Variants in RARB observed in about 807,000 individuals in gnomAD.
RARB encodes HBV-activated protein.
RARB carries 17 observed loss-of-function variants against 51.9 expected under a neutral mutation model. The ratio of observed to expected loss-of-function variants is 0.33; its 90% CI spans 0.22 to 0.49. The LOEUF is 0.49. Ranked by LOEUF, RARB falls within the 20% of genes least tolerant of loss-of-function variation. The probability of loss-of-function intolerance (pLI) is 0.99; values close to 1 mark genes in which losing one functional copy is unlikely to be tolerated. For synonymous variants in RARB, 215 were observed against 195.4 expected (o/e 1.10, Z -0.84); for missense variants, 369 against 550.8 (o/e 0.67, Z 3.30).
intron 5 of RARB, among the ~76,000 whole-genome samples, chr3:25,224,026 G>T (rs1448540676): frequency 2.6e-5 from 4 of 152,088 alleles, no homozygotes; most frequent in Non-Finnish European, 5.9e-5. Context: ...ATCAAGAAAT[G>T]GTACACTTGG....
At chr3:25,502,594 T>G (rs1302707658) in intron 3 of RARB, among the ~76,000 whole-genome samples, 2 of 152,186 alleles carry the variant, frequency 1.3e-5, no homozygotes, top group African/African-American at 4.8e-5. Flanking sequence ...GCTTCACAGC[T>G]GGGATCCACT....
chr3:25,325,760 G>A (rs1704697515), intron 5 of RARB, among the ~76,000 whole-genome samples: 1 of 147,896 alleles, frequency 6.8e-6, no homozygotes, highest in Admixed American at 6.8e-5. Flanking sequence ...GTGGAAGCAG[G>A]ACCAGTAGGG....
intron 5 of RARB, among the ~76,000 whole-genome samples, chr3:25,381,761 G>A (rs1706632305): frequency 6.6e-6 from 1 of 152,176 alleles, no homozygotes; most frequent in Non-Finnish European, 1.5e-5. Flanking sequence ...AAATTCTCAG[G>A]CCCTATCTCT....
intron 2 of RARB, among the ~76,000 whole-genome samples, chr3:24,925,798 A>T (rs937845913): frequency 6.6e-6 from 1 of 152,100 alleles, no homozygotes; most frequent in Non-Finnish European, 1.5e-5. Context: ...TGCCTACAAA[A>T]TACCTTTCAC....
At chr3:25,320,354 A>T (rs1575309758) in intron 5 of RARB, among the ~76,000 whole-genome samples, 1 of 152,280 alleles carries the variant, frequency 6.6e-6, no homozygotes, top group East Asian at 1.9e-4. Flanking sequence ...TTTTCTCTGT[A>T]GTAGTACTTT....
intron 3 of RARB, among the ~76,000 whole-genome samples, chr3:25,533,992 A>G (rs1257751235): frequency 1.3e-5 from 2 of 152,250 alleles, no homozygotes; most frequent in South Asian, 2.1e-4. Context: ...AGAAGCAGCA[A>G]TAAGTCCTTG....
At chr3:25,549,721 G>T (rs1019412153) in intron 3 of RARB, among the ~76,000 whole-genome samples, 1 of 152,122 alleles carries the variant, frequency 6.6e-6, no homozygotes, top group Non-Finnish European at 1.5e-5. Flanking sequence ...AAAGCTGTGT[G>T]CTATGAGATG....
At chr3:25,006,693 C>A (rs1352659701) in intron 2 of RARB, among the ~76,000 whole-genome samples, 2 of 152,078 alleles carry the variant, frequency 1.3e-5, no homozygotes, top group Non-Finnish European at 2.9e-5. Context: ...TGTTATAAAT[C>A]ACAGGCAATT....
At chr3:25,563,773 G>A (rs1392387230) in intron 3 of RARB, among the ~76,000 whole-genome samples, 2 of 152,136 alleles carry the variant, frequency 1.3e-5, no homozygotes, top group Non-Finnish European at 2.9e-5. Context: ...CAACCCCATA[G>A]TTCTAATCAC....
intron 2 of RARB, among the ~76,000 whole-genome samples, chr3:24,886,606 G>A (rs991134269): frequency 6.6e-5 from 10 of 152,046 alleles, no homozygotes; most frequent in Middle Eastern, 3.4e-3. Context: ...CACCACGCCT[G>A]GCTAATTTTA....
intron 5 of RARB, among the ~76,000 whole-genome samples, chr3:25,302,510 A>T (rs1313027648): frequency 6.6e-6 from 1 of 152,248 alleles, no homozygotes; most frequent in African/African-American, 2.4e-5. Flanking sequence ...CCAGTCACAA[A>T]GGCCCTATAT....
intron 1 of RARB, among the ~76,000 whole-genome samples, chr3:25,434,391 T>C (rs4681024): frequency 0.91 from 138,312 of 152,234 alleles, 62,896 homozygotes; most frequent in East Asian, 1. Context: ...TTCCAGCTGT[T>C]AACAATTCAC....
chr3:24,832,441 A>T (rs1034429341), intron 1 of RARB, among the ~76,000 whole-genome samples: 2 of 151,866 alleles, frequency 1.3e-5, no homozygotes, highest in African/African-American at 4.8e-5. Flanking sequence ...ATTACAGTGG[A>T]GCCTGGTGAC....
intron 1 of RARB, among the ~76,000 whole-genome samples, chr3:24,856,259 T>C (rs1285712137): frequency 6.6e-6 from 1 of 152,114 alleles, no homozygotes; most frequent in Non-Finnish European, 1.5e-5. Flanking sequence ...TACCATGGCA[T>C]GCTTGGGGAT....
chr3:25,381,940 G>A (rs17523645), intron 5 of RARB, among the ~76,000 whole-genome samples: 21,200 of 152,134 alleles, frequency 0.14, 2,022 homozygotes, highest in Admixed American at 0.29. Flanking sequence ...GAATGTAGCC[G>A]TCTCCATCTC....
At chr3:24,916,101 C>T (rs576907272) in intron 2 of RARB, among the ~76,000 whole-genome samples, 64 of 152,212 alleles carry the variant, frequency 4.2e-4, no homozygotes, top group African/African-American at 1.5e-3. Context: ...TAGTAGTTTA[C>T]TTCTGTGTAA....
At chr3:25,307,192 A>G (rs1024452447) in intron 5 of RARB, among the ~76,000 whole-genome samples, 5 of 152,092 alleles carry the variant, frequency 3.3e-5, no homozygotes, top group African/African-American at 1.2e-4. Flanking sequence ...CCTGGACAAC[A>G]TAGTGAACAT....
chr3:24,971,742 G>A (rs564613614), intron 2 of RARB, among the ~76,000 whole-genome samples: 1 of 152,070 alleles, frequency 6.6e-6, no homozygotes, highest in Non-Finnish European at 1.5e-5. Context: ...CATAACTTGG[G>A]CTTGGTATGC....
intron 2 of RARB, among the ~76,000 whole-genome samples, chr3:25,019,499 G>T (rs757244973): frequency 1.3e-5 from 2 of 151,514 alleles, no homozygotes; most frequent in Non-Finnish European, 2.9e-5. Flanking sequence ...TTTTCTTCAC[G>T]GGTTTATAAC....
Sources: gnomAD v4.1 joint callset for allele counts (sites outside exome capture counted in the v4.1 genomes callset) on GRCh38, gnomAD v4.1.1 for gene constraint, MANE v1.5 for transcripts, NCBI Gene and HGNC (gene_info 2026-07-23, HGNC 2026-07-21) for gene names.